The following SLC35A5 variants were observed in gnomAD, a reference collection of about 807,000 sequenced individuals.
SLC35A5 encodes UDP-sugar transporter protein SLC35A5.
A neutral mutation model predicts 36.3 loss-of-function variants in SLC35A5; 28 were observed. The ratio of observed to expected loss-of-function variants is 0.77; its 90% CI spans 0.57 to 1.06. The LOEUF (loss-of-function observed/expected upper bound fraction) is 1.06, where lower values mean the gene tolerates loss of function less well. Among genes scored for constraint, SLC35A5 ranks in the 50% least tolerant of loss-of-function variants. The pLI is 0.00. For missense variants in SLC35A5, 521 were observed against 499.3 expected (o/e 1.04, Z -0.41); for synonymous variants, 180 against 173.7 (o/e 1.04, Z -0.29).
chr3:112,582,558 A>G (rs1934974671), intron 6 of SLC35A5, 113 bp from the exon 7 acceptor site: 1 of 680,812 alleles, frequency 1.5e-6, no homozygotes, highest in African/African-American at 1.8e-5. Flanking sequence ...ATTTGACCAG[A>G]TTATATCTAT....
chr3:112,561,441 C>A, upstream of SLC35A5: 1 of 1,613,146 alleles, frequency 6.2e-7, no homozygotes, highest in South Asian at 1.1e-5. Flanking sequence ...CTCCCGGCAA[C>A]CCTGGCCTGG....
chr3:112,573,988 A>G (rs1421682758), intron 5 of SLC35A5, 32 bp downstream of exon 5: 1 of 1,551,080 alleles, frequency 6.4e-7, no homozygotes, highest in Admixed American at 1.7e-5. Context: ...CATATATCAT[A>G]CTTTAAAATA....
At chr3:112,565,757 A>C (rs1047781253) in intron 2 of SLC35A5, among the ~76,000 whole-genome samples, 7 of 152,182 alleles carry the variant, frequency 4.6e-5, no homozygotes, top group African/African-American at 1.7e-4. Flanking sequence ...TGGGCAACAG[A>C]GCAAAACTGT....
rs568626517 is a variant in SLC35A5 at position 112,585,448 on chromosome 3, T to C, written c.*2712T>C. The C allele has an allele frequency of 1.3e-5, 2 of 152,312 alleles. No individual in the cohort carries two copies. The highest frequency in any genetic ancestry group is 3.9e-4 in the East Asian group (2 of 5,182). 9.4% of individuals were successfully genotyped at this position (152,312 alleles called of 1,614,324 possible). A position where few individuals can be genotyped will look rare whatever the true frequency, so the allele number is the denominator to read the frequency against. On this transcript the variant is annotated 3_prime_UTR_variant, in exon 7 of 7. Transcript: ENST00000492406. The stretch of plus-strand genomic sequence containing the variant: ...TTGACAAAATATGTATTGGGTACAA[T>C]GTTCACTGTTTGAGTGATGGGTCCA...
At chr3:112,572,189 G>T (rs2668215) in intron 4 of SLC35A5, among the ~76,000 whole-genome samples, 1 of 150,566 alleles carries the variant, frequency 6.6e-6, no homozygotes, top group Non-Finnish European at 1.5e-5. Context: ...TGATCCACCC[G>T]CCTCGGCCTC....
intron 4 of SLC35A5, among the ~76,000 whole-genome samples, chr3:112,572,367 C>T (rs980324133): frequency 2.6e-5 from 4 of 152,000 alleles, no homozygotes; most frequent in Admixed American, 6.6e-5. Flanking sequence ...GGGAACTGGG[C>T]CAGGTGATCA....
At chr3:112,573,810 C>A in intron 4 of SLC35A5, 79 bp from the exon 5 acceptor site, 1 of 1,187,782 alleles carries the variant, frequency 8.4e-7, no homozygotes, top group South Asian at 1.3e-5. Context: ...CTTTTTTTGT[C>A]AGGTGAACTG....
chr3:112,573,832 C>A, intron 4 of SLC35A5, 57 bp from the exon 5 acceptor site: 8 of 1,435,900 alleles, frequency 5.6e-6, no homozygotes, highest in Non-Finnish European at 7.8e-6. Flanking sequence ...CAAGCTAAGA[C>A]ATTTCTGAGG....
intron 3 of SLC35A5, among the ~76,000 whole-genome samples, chr3:112,569,870 ATG>A (rs1245259232): frequency 5.9e-5 from 9 of 152,168 alleles, no homozygotes; most frequent in African/African-American, 2.2e-4. Context: ...ACCTTCACAC[ATG>A]AGGTAAACGT....
chr3:112,570,602 TC>T lies in SLC35A5; in HGVS notation c.294del (p.Ile99PhefsTer11), dbSNP rs1559858437. On this transcript the variant is annotated frameshift_variant, in exon 4 of 7. Coordinates refer to ENST00000492406, the MANE Select transcript of SLC35A5 (RefSeq NM_017945.5). LOFTEE classifies it high-confidence loss of function. Reference sequence around the variant, plus strand: ...GGAATTCTCTGATTTCATGAAGTGGTCCATTCCTGCCTTTCTTTATTTCCTG... The same window carrying T: ...GGAATTCTCTGATTTCATGAAGTGGTCATTCCTGCCTTTCTTTATTTCCTG... ...WKEFSDFMKWSIPAFLYFLDN... is the reference protein window; with the variant it reads ...WKEFSDFMKWXIPAFLYFLDN... 1 of 1,613,286 alleles carries T rather than the reference TC, an allele frequency of 6.2e-7. No individual in the cohort carries two copies. Among genetic ancestry groups the T allele is most frequent in the Non-Finnish European group, 8.5e-7 (1 of 1,179,572 alleles).
Position 112,582,772 on chromosome 3 carries a change from T to C in SLC35A5, c.*36T>C. 1 of 1,474,916 alleles carries C rather than the reference T, an allele frequency of 6.8e-7. No homozygotes were observed. The highest frequency in any genetic ancestry group is 9.4e-7 in the Non-Finnish European group (1 of 1,060,808). The allele number at this position is 1,474,916 out of a possible 1,614,324, so 91.4% of individuals were successfully genotyped here. A position where few individuals can be genotyped will look rare whatever the true frequency, so the allele number is the denominator to read the frequency against. ...CATAGTTTGCAGCTCTCTTGAACCT[T>C]ATTTTCACATTTTCAGTGTTTGTAA... On this transcript the variant is annotated 3_prime_UTR_variant, in exon 7 of 7. Transcript: ENST00000492406.
chr3:112,581,359 T>C lies in SLC35A5; in HGVS notation c.1209+33T>C, dbSNP rs145752096. On this transcript the variant is annotated intron_variant, in intron 6 of 6. Transcript: ENST00000492406. Reference sequence around the variant, plus strand: ...TGTGAGGGTGTTCCTTTTTGCTTGTTCTTCCCAAATTTAAAGCATAGTTAA... The same window carrying C: ...TGTGAGGGTGTTCCTTTTTGCTTGTCCTTCCCAAATTTAAAGCATAGTTAA... 9,479 of 1,539,538 alleles carry C rather than the reference T, an allele frequency of 6.2e-3. 40 individuals are homozygous for C. Among genetic ancestry groups the C allele is most frequent in the Non-Finnish European group, 7.5e-3 (8,601 of 1,148,272 alleles).
chr3:112,583,976 G>A lies in SLC35A5; in HGVS notation c.*1240G>A, dbSNP rs1222565584. 6.6e-6 allele frequency: 1 copy of A among 152,078 alleles called. No individual in the cohort carries two copies. The highest frequency in any genetic ancestry group is 1.5e-5 in the Non-Finnish European group (1 of 68,010). The allele number at this position is 152,078 out of a possible 1,614,324, so 9.4% of individuals were successfully genotyped here. On this transcript the variant is annotated 3_prime_UTR_variant, in exon 7 of 7. Coordinates refer to ENST00000492406, the MANE Select transcript of SLC35A5 (RefSeq NM_017945.5). ...CTGTATGTTTACAGACTACCATACTGTAAATATGAGCTTTATGGTGTCATT... is the reference window on the plus strand; with the variant it reads ...CTGTATGTTTACAGACTACCATACTATAAATATGAGCTTTATGGTGTCATT...
At chr3:112,572,270 C>G (rs1322110268) in intron 4 of SLC35A5, among the ~76,000 whole-genome samples, 1 of 151,956 alleles carries the variant, frequency 6.6e-6, no homozygotes, top group African/African-American at 2.4e-5. Flanking sequence ...AGCTGTGTAA[C>G]TAGGCAGGCC....
intron 6 of SLC35A5, among the ~76,000 whole-genome samples, chr3:112,582,017 G>T (rs1934952241): frequency 3.9e-5 from 6 of 152,176 alleles, no homozygotes; most frequent in Admixed American, 3.9e-4. Context: ...GCAAGTTAAT[G>T]ATCTCTTTGA....
chr3:112,579,632 A>G (rs1354758579), intron 5 of SLC35A5, among the ~76,000 whole-genome samples: 1 of 151,860 alleles, frequency 6.6e-6, no homozygotes, highest in East Asian at 1.9e-4. Flanking sequence ...TTCTAGCTCA[A>G]GTGTCATTTC....
chr3:112,578,445 A>G (rs1030503630), intron 5 of SLC35A5, among the ~76,000 whole-genome samples: 1 of 152,226 alleles, frequency 6.6e-6, no homozygotes, highest in African/African-American at 2.4e-5. Context: ...AGCCACAGGC[A>G]TTCGGCTCTG....
At chr3:112,581,422 AGAATGTATTG>A in intron 6 of SLC35A5, 96 bp downstream of exon 6, 3 of 1,242,470 alleles carry the variant, frequency 2.4e-6, no homozygotes, top group Non-Finnish European at 3.3e-6. Context: ...GATTTGTCAA[AGAATGTATTG>A]GATCTCTGAC....
At chr3:112,563,204 C>T (rs928888223) in intron 1 of SLC35A5, among the ~76,000 whole-genome samples, 181 bp from the exon 2 acceptor site, 3 of 152,244 alleles carry the variant, frequency 2.0e-5, no homozygotes, top group Non-Finnish European at 2.9e-5. Context: ...CTCCAGAGTA[C>T]TCCCTCTTAT....
Sources: gnomAD v4.1 joint callset for allele counts (sites outside exome capture counted in the v4.1 genomes callset) on GRCh38, gnomAD v4.1.1 for gene constraint, MANE v1.5 for transcripts, NCBI Gene and HGNC (gene_info 2026-07-23, HGNC 2026-07-21) for gene names.